AFF2: variants seen among roughly 807,000 people sequenced by gnomAD.
AFF2 encodes ALF transcription elongation factor 2, also known as AF4/FMR2 family member 2.
Under a neutral mutation model 76.9 loss-of-function variants are expected in AFF2, and 14 were observed. The observed-to-expected ratio is 0.18, with a 90% CI of 0.12 to 0.28. The LOEUF is 0.28. Among genes scored for constraint, AFF2 ranks in the 10% least tolerant of loss-of-function variants. The pLI, the probability that AFF2 is intolerant of heterozygous loss-of-function variation, is 1.00. For synonymous variants in AFF2, 398 were observed against 366.7 expected, an observed-to-expected ratio of 1.09 and a Z score of -0.98; for missense variants, 868 against 1,001.1, an observed-to-expected ratio of 0.87 and a Z score of 1.79.
At chrX:148,827,091 T>C (rs909586984) in intron 4 of AFF2, among the ~76,000 whole-genome samples, 3 of 111,268 alleles carry the variant, frequency 2.7e-5, no homozygotes, top group Non-Finnish European at 1.9e-5. Flanking sequence ...GATTCTAAGA[T>C]TGAAATAGCT....
intron 1 of AFF2, among the ~76,000 whole-genome samples, chrX:148,526,366 G>GTTTTTT (rs34179499): frequency 4.8e-5 from 3 of 62,730 alleles, no homozygotes; most frequent in Non-Finnish European, 9.0e-5. Context: ...ATACAATCTT[G>GTTTTTT]TTTTTTTTTT....
intron 8 of AFF2, among the ~76,000 whole-genome samples, chrX:148,898,261 G>T (rs781925650): frequency 1.8e-5 from 2 of 112,040 alleles, no homozygotes; most frequent in Admixed American, 1.9e-4. Context: ...TGTTCAACTG[G>T]CTGTGGCAGG....
chrX:148,856,154 T>A (rs1296001755), intron 7 of AFF2, among the ~76,000 whole-genome samples: 1 of 111,593 alleles, frequency 9.0e-6, no homozygotes, highest in African/African-American at 3.3e-5. Context: ...GGCTAGAACG[T>A]CTTAAATGTA....
At chrX:148,738,856 A>AT (rs2055316762) in intron 3 of AFF2, among the ~76,000 whole-genome samples, 1 of 111,720 alleles carries the variant, frequency 9.0e-6, no homozygotes, top group Non-Finnish European at 1.9e-5. Flanking sequence ...GTTAATTTCC[A>AT]TCTTGATTTC....
intron 9 of AFF2, 134 bp from the exon 10 acceptor site, chrX:148,953,446 C>CTA (rs2071993151): frequency 1.4e-6 from 1 of 693,931 alleles, no homozygotes; most frequent in Non-Finnish European, 2.1e-6. Context: ...CTCACGTTTC[C>CTA]TATCTATAAA....
At chrX:148,505,682 C>G (rs1243251530) in intron 1 of AFF2, among the ~76,000 whole-genome samples, 1 of 111,605 alleles carries the variant, frequency 9.0e-6, no homozygotes, top group Non-Finnish European at 1.9e-5. Flanking sequence ...ATGGCCTTCT[C>G]TGGAACAATT....
At chrX:148,650,929 T>C (rs2054197230) in intron 1 of AFF2, among the ~76,000 whole-genome samples, 1 of 112,177 alleles carries the variant, frequency 8.9e-6, no homozygotes, top group Non-Finnish European at 1.9e-5. Flanking sequence ...ACTATTAACA[T>C]GGGGAAGGAA....
At chrX:148,848,020 A>G (rs1557274921) in intron 7 of AFF2, among the ~76,000 whole-genome samples, 1 of 111,366 alleles carries the variant, frequency 9.0e-6, no homozygotes, top group Admixed American at 9.6e-5. Context: ...AATGCTCCTC[A>G]GTGAGAAAGT....
At chrX:148,838,603 A>G (rs2070558499) in intron 5 of AFF2, among the ~76,000 whole-genome samples, 1 of 111,853 alleles carries the variant, frequency 8.9e-6, no homozygotes, top group South Asian at 3.8e-4. Flanking sequence ...TACCGCATGC[A>G]TAAGACTAGT....
chrX:148,978,736 T>G (rs1444857841), intron 18 of AFF2, among the ~76,000 whole-genome samples: 1 of 111,684 alleles, frequency 9.0e-6, no homozygotes, highest in Non-Finnish European at 1.9e-5. Flanking sequence ...GTCACCTTTT[T>G]GCTGCTCTGT....
At chrX:148,941,205 G>T (rs1380981862) in intron 9 of AFF2, among the ~76,000 whole-genome samples, 5 of 111,487 alleles carry the variant, frequency 4.5e-5, no homozygotes, top group African/African-American at 1.3e-4. Flanking sequence ...CATTTATCAT[G>T]AGAAGGGAAC....
At chrX:148,506,261 T>C (rs1160859301) in intron 1 of AFF2, among the ~76,000 whole-genome samples, 1 of 111,801 alleles carries the variant, frequency 8.9e-6, no homozygotes, top group Non-Finnish European at 1.9e-5. Context: ...CTTTCCAACA[T>C]GTGGAATGCT....
intron 9 of AFF2, among the ~76,000 whole-genome samples, chrX:148,931,399 A>T (rs2071712365): frequency 8.9e-6 from 1 of 111,786 alleles, no homozygotes; most frequent in Admixed American, 9.5e-5. Flanking sequence ...TAAAAATTTT[A>T]AAATGTGATG....
chrX:148,767,402 A>C (rs147805951), intron 3 of AFF2, among the ~76,000 whole-genome samples: 1 of 111,764 alleles, frequency 8.9e-6, no homozygotes, highest in East Asian at 2.8e-4. Flanking sequence ...TGACCATGTC[A>C]GGAAGATTTT....
chrX:148,677,429 T>C (rs1413519998), intron 3 of AFF2, among the ~76,000 whole-genome samples: 1 of 112,348 alleles, frequency 8.9e-6, no homozygotes, highest in South Asian at 3.6e-4. Flanking sequence ...TTCTTACAAA[T>C]GGCCTTTTTG....
At chrX:148,949,807 T>G (rs781876940) in intron 9 of AFF2, among the ~76,000 whole-genome samples, 1 of 112,795 alleles carries the variant, frequency 8.9e-6, no homozygotes, top group East Asian at 2.8e-4. Context: ...ACTAGCATTC[T>G]TTTTAAAAGC....
intron 18 of AFF2, among the ~76,000 whole-genome samples, chrX:148,979,389 T>C (rs781788096): frequency 3.6e-5 from 4 of 112,076 alleles, no homozygotes; most frequent in African/African-American, 1.3e-4. Flanking sequence ...AAGGCTAGTA[T>C]TGATGTGGGT....
chrX:148,622,041 A>T (rs782355796), intron 1 of AFF2, among the ~76,000 whole-genome samples: 1 of 112,352 alleles, frequency 8.9e-6, no homozygotes, highest in East Asian at 2.8e-4. Context: ...TGAGTGATTG[A>T]AAAGTTTCAT....
At chrX:148,979,033 C>T (rs16994910) in intron 18 of AFF2, among the ~76,000 whole-genome samples, 1,581 of 111,692 alleles carry the variant, frequency 0.014, 23 homozygotes, top group African/African-American at 0.044. Context: ...CAAAATGCAA[C>T]GCCAAAATTT....
Sources: gnomAD v4.1 joint callset for allele counts (sites outside exome capture counted in the v4.1 genomes callset) on GRCh38, gnomAD v4.1.1 for gene constraint, MANE v1.5 for transcripts, NCBI Gene and HGNC (gene_info 2026-07-23, HGNC 2026-07-21) for gene names.